OR6C6: variants seen among roughly 807,000 people sequenced by gnomAD.
OR6C6 encodes the protein olfactory receptor family 6 subfamily C member 6.
For missense variants in OR6C6, 411 were observed against 366.8 expected (o/e 1.12, Z -0.98); for synonymous variants, 140 against 135.2 (o/e 1.04, Z -0.25).
In OR6C6 at chr12:55,295,257, TC is replaced by T. The variant is rs1304071609; in HGVS notation, c.-25-1del. On this transcript the variant is annotated splice_acceptor_variant, in intron 1 of 1. Transcript: ENST00000358433. LOFTEE classifies it low-confidence loss of function (5UTR_SPLICE). ...TTTCTCTTTTGTGATCCTTATCAAA[TC>T]TACATAGAAAGGGAAAAACAAAATT... 1 of 1,467,528 alleles carries T rather than the reference TC, an allele frequency of 6.8e-7. No homozygotes were observed. The allele number at this position is 1,467,528 out of a possible 1,614,324, so 90.9% of individuals were successfully genotyped here. A position where few individuals can be genotyped will look rare whatever the true frequency, so the allele number is the denominator to read the frequency against.
chr12:55,294,696 A>C lies in OR6C6; in HGVS notation c.537T>G (p.Thr179=), dbSNP rs1425031666. 6.2e-7 allele frequency: 1 copy of C among 1,614,024 alleles called. No individual in the cohort carries two copies. Among genetic ancestry groups the C allele is most frequent in the Non-Finnish European group, 8.5e-7 (1 of 1,180,024 alleles). ...SKTIDHFMCE[T]SPILQISCTD... is the part of the protein sequence containing the mutation. The stretch of plus-strand genomic sequence containing the variant: ...TGCAGGAGATCTGCAGAATAGGAGA[A>C]GTTTCACACATAAAGTGGTCAATAG... Residue 179 remains threonine, a synonymous_variant, in exon 2 of 2, where the codon ACT becomes ACG. Coordinates refer to ENST00000358433, the MANE Select transcript of OR6C6 (RefSeq NM_001005493.2).
At position 55,294,569 on chromosome 12, in the gene OR6C6, T is replaced by A; in HGVS notation, c.664A>T (p.Thr222Ser). 4 of 1,614,080 alleles carry A rather than the reference T, an allele frequency of 2.5e-6. No individual in the cohort carries two copies. The highest frequency in any genetic ancestry group is 3.4e-6 in the Non-Finnish European group (4 of 1,180,010). Residue 222 changes from threonine (T) to serine (S), a missense_variant, in exon 2 of 2, where the codon ACC (threonine) becomes TCC (serine). Physicochemically the swap from Thr to Ser is moderately conservative, Grantham distance 58. Coordinates refer to ENST00000358433, the MANE Select transcript of OR6C6 (RefSeq NM_001005493.2). ...VILSYTCIIK[T>S]ILKFSSAQQR... ...TGTGCAGAAGAGAATTTCAGAATGG[T>A]CTTAATAATGCAAGTGTAAGAGAGA...
Position 55,295,000 on chromosome 12 carries a change from C to G in OR6C6, c.233G>C (p.Arg78Thr), listed in dbSNP as rs1401652665. ...TCTAGTCACAATGGTTATCAAGAAT[C>G]TAGGAATACACACTGTTGTGAATAT... is the stretch of plus-strand genomic sequence containing the variant. ...EVIFTTVCIP[R>T]FLITIVTRDK... The change falls in exon 2 of 2, where the codon AGA becomes ACA. Residue 78 changes from arginine (R) to threonine (T), a missense_variant. Coordinates refer to ENST00000358433, the MANE Select transcript of OR6C6 (RefSeq NM_001005493.2). The G allele has an allele frequency of 6.2e-7, 1 of 1,613,274 alleles. No individual in the cohort carries two copies. The highest frequency in any genetic ancestry group is 1.1e-5 in the South Asian group (1 of 91,046).
rs184978546 is a variant in OR6C6 at position 55,295,967 on chromosome 12, A to G, written c.-26+352T>C. Among the ~76,000 whole-genome samples, 333 of 152,092 alleles carry G rather than the reference A, an allele frequency of 2.2e-3. 3 individuals carry two copies. The highest frequency in any genetic ancestry group is 7.4e-3 in the African/African-American group (306 of 41,518). ...AATGTCATTTTATTAGTGTGGCTACATAATTTCGGCTATTTTTTACTTCCT... is the reference window on the plus strand; with the variant it reads ...AATGTCATTTTATTAGTGTGGCTACGTAATTTCGGCTATTTTTTACTTCCT... On this transcript the variant is annotated intron_variant, in intron 1 of 1. Coordinates refer to ENST00000358433, the MANE Select transcript of OR6C6 (RefSeq NM_001005493.2).
chr12:55,294,765 G>A lies in OR6C6; in HGVS notation c.468C>T (p.Pro156=), dbSNP rs1488210788. ...SWVTGFLIIF[P]PLVMGLKLDF... ...CCAGCTTGAGTCCCATGACCAATGG[G>A]GGAAATATGATTAAGAATCCAGTTA... Residue 156 remains proline (P), a synonymous_variant, in exon 2 of 2, where the codon CCC becomes CCT. Transcript: ENST00000358433. 2.5e-6 allele frequency: 4 copies of A among 1,613,986 alleles called. No homozygotes were observed. Among genetic ancestry groups the A allele is most frequent in the Non-Finnish European group, 3.4e-6 (4 of 1,179,956 alleles).
rs752951320 is a variant in OR6C6, at chr12:55,294,818, A to C, written c.415T>G (p.Cys139Gly). 6.2e-7 allele frequency: 1 copy of C among 1,614,176 alleles called. No homozygotes were observed. Among genetic ancestry groups the C allele is most frequent in the South Asian group, 1.1e-5 (1 of 91,086 alleles). Reference sequence around the variant, plus strand: ...CAAGAGCTAAGTACAAGTTGGTAGCAGACTTTGCTGCTCATAATGATTGGA... The same window carrying C: ...CAAGAGCTAAGTACAAGTTGGTAGCCGACTTTGCTGCTCATAATGATTGGA... ...HYPIIMSSKV[C>G]YQLVLSSWVT... is the part of the protein sequence containing the mutation. The change falls in exon 2 of 2, where the codon TGC becomes GGC. Residue 139 changes from cysteine (C) to glycine (G), a missense_variant. Cys to Gly is a radical substitution (Grantham distance 159). Coordinates refer to ENST00000358433, the MANE Select transcript of OR6C6 (RefSeq NM_001005493.2).
chr12:55,295,530 C>T (rs991287790), intron 1 of OR6C6, among the ~76,000 whole-genome samples: 1 of 151,924 alleles, frequency 6.6e-6, no homozygotes, highest in East Asian at 1.9e-4. Flanking sequence ...GTCAGATGAA[C>T]TCTACTCTGC....
Position 55,294,918 on chromosome 12 carries a change from C to A in OR6C6, c.315G>T (p.Pro105=). Residue 105 remains proline, a synonymous_variant, in exon 2 of 2, where the codon CCG becomes CCT. Coordinates refer to ENST00000358433, the MANE Select transcript of OR6C6 (RefSeq NM_001005493.2). The part of the protein sequence containing the change: ...CATQLFFILL[P]GVTEFYLLAA... ...CCAGGAGGTAAAACTCAGTAACTCCCGGTAAAAGGATAAAAAATAATTGAG... is the reference window on the plus strand; with the variant it reads ...CCAGGAGGTAAAACTCAGTAACTCCAGGTAAAAGGATAAAAAATAATTGAG... 1.2e-6 allele frequency: 2 copies of A among 1,613,578 alleles called. No individual in the cohort carries two copies. The highest frequency in any genetic ancestry group is 2.2e-5 in the East Asian group (1 of 44,794).
Position 55,294,251 on chromosome 12 carries a change from C to T in OR6C6, c.*37G>A. On this transcript the variant is annotated 3_prime_UTR_variant, in exon 2 of 2. Transcript: ENST00000358433. ...TGAGCCACCATGCCAGGCCGTTTTC[C>T]AGTTTTTATGGTAAAGTTGTAATTT... The T allele has an allele frequency of 1.5e-6, 2 of 1,346,338 alleles. No homozygotes were observed. Among genetic ancestry groups the T allele is most frequent in the Non-Finnish European group, 1.0e-6 (1 of 961,580 alleles). 83.4% of individuals were successfully genotyped at this position (1,346,338 alleles called of 1,614,324 possible). A position where few individuals can be genotyped will look rare whatever the true frequency, so the allele number is the denominator to read the frequency against.
chr12:55,294,296 G>A lies in OR6C6; in HGVS notation c.937C>T (p.Pro313Ser). 1.9e-6 allele frequency: 3 copies of A among 1,572,118 alleles called. No homozygotes were observed. Among genetic ancestry groups the A allele is most frequent in the Non-Finnish European group, 1.7e-6 (2 of 1,150,898 alleles). Residue 313 changes from proline (P) to serine (S), a missense_variant, in exon 2 of 2, where the codon CCA (proline) becomes TCA (serine). Transcript: ENST00000358433. ...LQKNLCFSKR[P>S]F ...TAATTTGTAGCAGATTCTTAAAATGGTCTTTTAGAAAAACACAAATTCTTT... is the reference window on the plus strand; with the variant it reads ...TAATTTGTAGCAGATTCTTAAAATGATCTTTTAGAAAAACACAAATTCTTT...
rs752875452 is a variant in OR6C6, at chr12:55,295,182, A to C, written c.51T>G (p.Asp17Glu). 6.2e-7 allele frequency: 1 copy of C among 1,613,186 alleles called. No homozygotes were observed. Among genetic ancestry groups the C allele is most frequent in the African/African-American group, 1.3e-5 (1 of 74,912 alleles). ...EIEFILLGLT[D>E]DPQLQIVIFL... is the part of the protein sequence containing the mutation. ...AAATCACAATTTGCAACTGTGGGTC[A>C]TCTGTCAATCCTAGGAGAATGAACT... Residue 17 changes from aspartate (D) to glutamate (E), a missense_variant, in exon 2 of 2, where the codon GAT (aspartate) becomes GAG (glutamate). Coordinates refer to ENST00000358433, the MANE Select transcript of OR6C6 (RefSeq NM_001005493.2).
chr12:55,295,199 G>A lies in OR6C6; in HGVS notation c.34C>T (p.Leu12Phe), dbSNP rs779506830. The change falls in exon 2 of 2, where the codon CTC becomes TTC. Residue 12 changes from leucine to phenylalanine, a missense_variant. Transcript: ENST00000358433. The stretch of plus-strand genomic sequence containing the variant: ...TGTGGGTCATCTGTCAATCCTAGGA[G>A]AATGAACTCTATTTCCATTGATTTG... ...KNKSMEIEFI[L>F]LGLTDDPQLQ... 50 of 1,609,594 alleles carry A rather than the reference G, an allele frequency of 3.1e-5. No individual in the cohort carries two copies. In the South Asian group the frequency reaches 5.5e-4, roughly 18 times the overall value.
chr12:55,294,946 G>T lies in OR6C6; in HGVS notation c.287C>A (p.Ala96Glu). ...RDKTISYNNCATQLFFILLPG... is the reference protein window; with the variant it reads ...RDKTISYNNCETQLFFILLPG... ...TAAAAGGATAAAAAATAATTGAGTT[G>T]CACAATTATTATAAGAAATGGTTTT... is the stretch of plus-strand genomic sequence containing the variant. Residue 96 changes from alanine to glutamate, a missense_variant, in exon 2 of 2, where the codon GCA (alanine) becomes GAA (glutamate). Ala to Glu is a moderately radical substitution (Grantham distance 107). Coordinates refer to ENST00000358433, the MANE Select transcript of OR6C6 (RefSeq NM_001005493.2). 4.3e-6 allele frequency: 7 copies of T among 1,613,628 alleles called. No individual in the cohort carries two copies.
intron 1 of OR6C6, among the ~76,000 whole-genome samples, chr12:55,295,910 A>C (rs1213673512): frequency 6.6e-6 from 1 of 151,960 alleles, no homozygotes. Flanking sequence ...TTTAATAAAA[A>C]ATTGTGTCTT....
chr12:55,294,123 T>A lies in OR6C6; in HGVS notation c.*165A>T. ...CCACGCCCAGCTAATTTTTGTACTT[T>A]TAAGTAGAGACGGGGTTTCACCATG... On this transcript the variant is annotated 3_prime_UTR_variant, in exon 2 of 2. Transcript: ENST00000358433. 1.9e-6 allele frequency: 1 copy of A among 517,586 alleles called. No individual in the cohort carries two copies. The allele number at this position is 517,586 out of a possible 1,614,324, so 32.1% of individuals were successfully genotyped here.
rs1338433828 is a variant in OR6C6, at chr12:55,294,935, A to T, written c.298T>A (p.Phe100Ile). 6.2e-7 allele frequency: 1 copy of T among 1,614,024 alleles called. No homozygotes were observed. The highest frequency in any genetic ancestry group is 8.5e-7 in the Non-Finnish European group (1 of 1,179,982). Residue 100 changes from phenylalanine to isoleucine, a missense_variant, in exon 2 of 2, where the codon TTT becomes ATT. Phe to Ile is a conservative substitution (Grantham distance 21, BLOSUM62 0). Coordinates refer to ENST00000358433, the MANE Select transcript of OR6C6 (RefSeq NM_001005493.2). ...GTAACTCCCGGTAAAAGGATAAAAAATAATTGAGTTGCACAATTATTATAA... is the reference window on the plus strand; with the variant it reads ...GTAACTCCCGGTAAAAGGATAAAAATTAATTGAGTTGCACAATTATTATAA... Reference protein sequence around the residue: ...ISYNNCATQLFFILLPGVTEF... With the variant: ...ISYNNCATQLIFILLPGVTEF...
Position 55,294,853 on chromosome 12 carries a change from G to A in OR6C6, c.380C>T (p.Pro127Leu). ...GCTCATAATGATTGGATAATGCAGT[G>A]GTTTGCAGATGGCAACGTAGCGGTC... ...SYDRYVAICKPLHYPIIMSSK... is the reference protein window; with the variant it reads ...SYDRYVAICKLLHYPIIMSSK... Residue 127 changes from proline to leucine, a missense_variant, in exon 2 of 2, where the codon CCA becomes CTA. Physicochemically the swap from Pro to Leu is moderately conservative, Grantham distance 98 (BLOSUM62 -3). Coordinates refer to ENST00000358433, the MANE Select transcript of OR6C6 (RefSeq NM_001005493.2). 6.2e-7 allele frequency: 1 copy of A among 1,614,096 alleles called. No homozygotes were observed. The highest frequency in any genetic ancestry group is 8.5e-7 in the Non-Finnish European group (1 of 1,179,994).
At position 55,295,246 on chromosome 12, in the gene OR6C6, T is replaced by C; in HGVS notation, c.-14A>G. 1 of 1,523,628 alleles carries C rather than the reference T, an allele frequency of 6.6e-7. No individual in the cohort carries two copies. The allele number at this position is 1,523,628 out of a possible 1,614,324, so 94.4% of individuals were successfully genotyped here. The stretch of plus-strand genomic sequence containing the variant: ...TTTGTTCTTCATTTCTCTTTTGTGA[T>C]CCTTATCAAATCTACATAGAAAGGG... On this transcript the variant is annotated 5_prime_UTR_variant, in exon 2 of 2. Coordinates refer to ENST00000358433, the MANE Select transcript of OR6C6 (RefSeq NM_001005493.2).
intron 1 of OR6C6, among the ~76,000 whole-genome samples, chr12:55,295,931 A>T (rs1225540446): frequency 1.3e-5 from 2 of 151,994 alleles, no homozygotes; most frequent in Non-Finnish European, 1.5e-5. Flanking sequence ...CTTTTCAATT[A>T]ACCTTTTTGA....
Sources: allele counts gnomAD v4.1 joint callset (sites outside exome capture counted in the v4.1 genomes callset), GRCh38; gene constraint gnomAD v4.1.1; transcripts MANE v1.5; gene names NCBI Gene and HGNC (gene_info 2026-07-23, HGNC 2026-07-21).